The following ELP5 variants were observed in gnomAD, a reference collection of about 807,000 sequenced individuals.
ELP5 encodes the protein elongator acetyltransferase complex subunit 5, also known as elongator complex protein 5.
Under a neutral mutation model 33.4 loss-of-function variants are expected in ELP5, and 34 were observed. The observed-to-expected ratio is 1.02, with a 90% CI of 0.78 to 1.36. The LOEUF is 1.36. Ranked by LOEUF, ELP5 falls within the 40% of genes most tolerant of loss-of-function variation. The pLI is 0.00. For synonymous variants in ELP5, 161 were observed against 146.4 expected, an observed-to-expected ratio of 1.10 and a Z score of -0.72; for missense variants, 373 against 371.7, an observed-to-expected ratio of 1.00 and a Z score of -0.03.
At chr17:7,254,546 G>A (rs2072028410) in intron 3 of ELP5, 37 bp from the exon 4 acceptor site, 2 of 1,490,796 alleles carry the variant, frequency 1.3e-6, no homozygotes, top group Non-Finnish European at 1.8e-6. Context: ...TCGGGGGAAG[G>A]GGCAATATTA....
At position 7,256,415 on chromosome 17, in the gene ELP5, G is replaced by C. The variant is rs974092023; in HGVS notation, c.410-442G>C. 2.6e-5 allele frequency among the ~76,000 whole-genome samples: 4 copies of C among 152,222 alleles called. No individual in the cohort carries two copies. In the East Asian group the frequency reaches 7.7e-4, roughly 29 times the overall value. On this transcript the variant is annotated intron_variant, in intron 4 of 7. Transcript: ENST00000396628. ...GTTTGACCTAAAAACGCTGACCTTTGTAAGGATTCAAACATTGTGTTAAAG... is the reference window on the plus strand; with the variant it reads ...GTTTGACCTAAAAACGCTGACCTTTCTAAGGATTCAAACATTGTGTTAAAG...
At chr17:7,259,301 G>C (rs1238946091) in intron 7 of ELP5, 5 of 1,385,144 alleles carry the variant, frequency 3.6e-6, no homozygotes, top group Non-Finnish European at 3.7e-6. Flanking sequence ...TCTGTGCCCA[G>C]TATGTGGGCG....
At chr17:7,256,129 G>A (rs1181469136) in intron 4 of ELP5, among the ~76,000 whole-genome samples, 2 of 152,122 alleles carry the variant, frequency 1.3e-5, no homozygotes, top group African/African-American at 4.8e-5. Flanking sequence ...AAGACAGGTA[G>A]ATCACGAGGT....
chr17:7,252,082 G>T, upstream of ELP5: 1 of 265,452 alleles, frequency 3.8e-6, no homozygotes, highest in Non-Finnish European at 7.5e-6. Flanking sequence ...GTCTATGGCG[G>T]GTAGGTATAA....
chr17:7,259,201 C>T, intron 7 of ELP5: 1 of 1,388,084 alleles, frequency 7.2e-7, no homozygotes, highest in Non-Finnish European at 9.3e-7. Flanking sequence ...TGGGAGGTGG[C>T]CCTATCCCTA....
In ELP5 at chr17:7,259,920, T is replaced by A. The variant is rs1487325024; in HGVS notation, c.*235T>A. 8.4e-6 allele frequency: 4 copies of A among 478,646 alleles called. No individual in the cohort carries two copies. The highest frequency in any genetic ancestry group is 1.4e-5 in the Non-Finnish European group (4 of 295,738). The allele number at this position is 478,646 out of a possible 1,614,324, so 29.6% of individuals were successfully genotyped here. A position where few individuals can be genotyped will look rare whatever the true frequency, so the allele number is the denominator to read the frequency against. ...CACCCCCGTACCTAATAAAAATCTTTATTTTTTTATTAAAAAAGAAGTACT... is the reference window on the plus strand; with the variant it reads ...CACCCCCGTACCTAATAAAAATCTTAATTTTTTTATTAAAAAAGAAGTACT... On this transcript the variant is annotated 3_prime_UTR_variant, in exon 8 of 8. Transcript: ENST00000396628.
In ELP5 at chr17:7,252,498, G is replaced by A; in HGVS notation, c.-53G>A. 1 of 1,613,424 alleles carries A rather than the reference G, an allele frequency of 6.2e-7. No homozygotes were observed. Among genetic ancestry groups the A allele is most frequent in the South Asian group, 1.1e-5 (1 of 90,916 alleles). ...TTTCACCCCGAGGAGGAAGGACACT[G>A]GGTCATGACGCCATCAGAGGGCGCC... is the stretch of plus-strand genomic sequence containing the variant. On this transcript the variant is annotated 5_prime_UTR_variant, in exon 1 of 8. Transcript: ENST00000396628.
chr17:7,255,722 G>A (rs1390533275), intron 4 of ELP5, among the ~76,000 whole-genome samples: 1 of 152,174 alleles, frequency 6.6e-6, no homozygotes, highest in African/African-American at 2.4e-5. Context: ...AGGTACAAGG[G>A]AAGTATTAGG....
Position 7,252,350 on chromosome 17 carries a change from G to T in ELP5, c.-201G>T. ...GGGGTCGTTGTCCGTACGACTGTGC[G>T]CCAGGGCTCGGGGAGGGGCGCCCTC... On this transcript the variant is annotated 5_prime_UTR_variant, in exon 1 of 8. Transcript: ENST00000396628. 3 of 737,748 alleles carry T rather than the reference G, an allele frequency of 4.1e-6. No homozygotes were observed. Among genetic ancestry groups the T allele is most frequent in the East Asian group, 2.7e-5 (1 of 36,872 alleles). The allele number at this position is 737,748 out of a possible 1,614,324, so 45.7% of individuals were successfully genotyped here.
chr17:7,251,843 G>C (rs535668672), upstream of ELP5: 3 of 153,980 alleles, frequency 1.9e-5, no homozygotes, highest in South Asian at 5.4e-4. Context: ...GGGAGCCGGA[G>C]GGCGCAGAGC....
Position 7,256,857 on chromosome 17 carries a change from G to A in ELP5, c.410G>A (p.Gly137Asp). The A allele has an allele frequency of 6.2e-7, 1 of 1,614,188 alleles. No homozygotes were observed. The highest frequency in any genetic ancestry group is 8.5e-7 in the Non-Finnish European group (1 of 1,180,028). ...HAVSHQDSCP[G>D]DSSSVGKVSV... ...TCCTACATTTCTTGTCCTCCTCTAG[G>A]TGACAGCTCCTCAGTGGGGAAAGTG... is the stretch of plus-strand genomic sequence containing the variant. The change falls in exon 5 of 8, where the codon GGT (glycine) becomes GAT (aspartate). Residue 137 changes from glycine (G) to aspartate (D), a missense_variant and splice_region_variant. Physicochemically the swap from Gly to Asp is moderately conservative, Grantham distance 94. Transcript: ENST00000396628.
intron 3 of ELP5, among the ~76,000 whole-genome samples, chr17:7,253,840 AC>A (rs1181515274): frequency 6.6e-6 from 1 of 152,150 alleles, no homozygotes; most frequent in African/African-American, 2.4e-5. Flanking sequence ...TACTAAAAAT[AC>A]AAAAAATTAC....
At chr17:7,252,178 C>T (rs1006048099), upstream of ELP5, 20 of 368,364 alleles carry the variant, frequency 5.4e-5, no homozygotes, top group African/African-American at 2.8e-4. Flanking sequence ...GCGAAGCAGG[C>T]CCCGCCTCAA....
Position 7,254,835 on chromosome 17 carries a change from A to G in ELP5, c.409+32A>G, listed in dbSNP as rs533757191. On this transcript the variant is annotated intron_variant, in intron 4 of 7. Coordinates refer to ENST00000396628, the MANE Select transcript of ELP5 (RefSeq NM_203414.3). ...CCCCTCCTTCATTGTTTCCCCTCAT[A>G]CATCTCCCTCTGCCAAGGAGTGTGC... 4 of 1,574,822 alleles carry G rather than the reference A, an allele frequency of 2.5e-6. No individual in the cohort carries two copies. The African/African-American group carries it at 5.4e-5, about 21-fold the overall frequency.
At position 7,252,427 on chromosome 17, in the gene ELP5, C is replaced by A; in HGVS notation, c.-124C>A. ...GAACATAATCACCTCTCATTCCAGA[C>A]TATGTTAGGTCTTAATGGTGGGAGG... On this transcript the variant is annotated 5_prime_UTR_variant, in exon 1 of 8. Transcript: ENST00000396628. 1 of 1,427,018 alleles carries A rather than the reference C, an allele frequency of 7.0e-7. No individual in the cohort carries two copies. Among genetic ancestry groups the A allele is most frequent in the Non-Finnish European group, 9.8e-7 (1 of 1,024,638 alleles). The allele number at this position is 1,427,018 out of a possible 1,614,324, so 88.4% of individuals were successfully genotyped here.
At chr17:7,259,245 G>C in intron 7 of ELP5, 1 of 1,371,842 alleles carries the variant, frequency 7.3e-7, no homozygotes, top group Non-Finnish European at 9.4e-7. Context: ...AGGCTATATG[G>C]GCGTGGCAGA....
intron 4 of ELP5, among the ~76,000 whole-genome samples, chr17:7,256,091 G>C (rs1432882899): frequency 6.6e-6 from 1 of 152,130 alleles, no homozygotes; most frequent in African/African-American, 2.4e-5. Flanking sequence ...AGAGGCTCAT[G>C]CCTGTAATCC....
chr17:7,259,894 A>G lies in ELP5; in HGVS notation c.*209A>G, dbSNP rs2072174713. 1.7e-6 allele frequency: 1 copy of G among 603,336 alleles called. No homozygotes were observed. Among genetic ancestry groups the G allele is most frequent in the Non-Finnish European group, 2.5e-6 (1 of 392,960 alleles). 37.4% of individuals were successfully genotyped at this position (603,336 alleles called of 1,614,324 possible). A position where few individuals can be genotyped will look rare whatever the true frequency, so the allele number is the denominator to read the frequency against. ...ACATGGGGTAATGTGAGAGAGTAGA[A>G]CACCCCCGTACCTAATAAAAATCTT... On this transcript the variant is annotated 3_prime_UTR_variant, in exon 8 of 8. Coordinates refer to ENST00000396628, the MANE Select transcript of ELP5 (RefSeq NM_203414.3).
rs1210832455 is a variant in ELP5, at chr17:7,259,643, TGACCTGGACCAAGAAGACCCAGATGAC to T, written c.870_896del (p.Gln291_Asp299del). 4.3e-6 allele frequency: 7 copies of T among 1,614,148 alleles called. No homozygotes were observed. Among genetic ancestry groups the T allele is most frequent in the African/African-American group, 1.3e-5 (1 of 74,950 alleles). On this transcript the variant is annotated inframe_deletion, in exon 8 of 8. Transcript: ENST00000396628. ...TCTTCTATGAGCCAGATGCTTATGA[TGACCTGGACCAAGAAGACCCAGATGAC>T]GACCTGGATATTTGACTGGCCAGAT...
Sources: allele counts gnomAD v4.1 joint callset (sites outside exome capture counted in the v4.1 genomes callset), GRCh38; gene constraint gnomAD v4.1.1; transcripts MANE v1.5; gene names NCBI Gene and HGNC (gene_info 2026-07-23, HGNC 2026-07-21).